DGKG: variants seen among roughly 807,000 people sequenced by gnomAD.
DGKG encodes the protein DAG kinase gamma.
In DGKG, 78 loss-of-function variants were observed where a neutral mutation model predicts 105.3. The observed-to-expected ratio is 0.74, with a 90% CI of 0.62 to 0.89. The LOEUF is 0.89. Ranked by LOEUF, DGKG falls within the 40% of genes least tolerant of loss-of-function variation. The probability of loss-of-function intolerance (pLI) is 0.00; values close to 1 mark genes in which losing one functional copy is unlikely to be tolerated. For missense variants in DGKG, 958 were observed against 1,020.1 expected, an observed-to-expected ratio of 0.94 and a Z score of 0.83; for synonymous variants, 346 against 367.1, an observed-to-expected ratio of 0.94 and a Z score of 0.66.
At chr3:186,195,447 G>C (rs1718134619) in intron 21 of DGKG, among the ~76,000 whole-genome samples, 1 of 151,974 alleles carries the variant, frequency 6.6e-6, no homozygotes, top group Non-Finnish European at 1.5e-5. Context: ...CATTGCATTT[G>C]TTGATATATA....
intron 2 of DGKG, 105 bp from the exon 3 acceptor site, chr3:186,307,082 A>G: frequency 1.3e-6 from 1 of 759,120 alleles, no homozygotes. Flanking sequence ...GCTGCCCCTC[A>G]GTCCCAGAAA....
In DGKG at chr3:186,148,056, C is replaced by T. The variant is rs573533944; in HGVS notation, c.*2034G>A. 2.0e-6 allele frequency: 2 copies of T among 985,462 alleles called. No homozygotes were observed. Among genetic ancestry groups the T allele is most frequent in the South Asian group, 4.7e-5 (1 of 21,288 alleles). 61.0% of individuals were successfully genotyped at this position (985,462 alleles called of 1,614,324 possible). ...AATATTCCCTTCTTTGTCCAAAGCT[C>T]CTGTCCAATGCAAGATTAGAGGCAG... On this transcript the variant is annotated 3_prime_UTR_variant, in exon 25 of 25. Coordinates refer to ENST00000265022, the MANE Select transcript of DGKG (RefSeq NM_001346.3).
At chr3:186,252,044 T>C in intron 18 of DGKG, 125 bp from the exon 19 acceptor site, 1 of 876,282 alleles carries the variant, frequency 1.1e-6, no homozygotes, top group Non-Finnish European at 1.7e-6. Context: ...ACTGTGTCTG[T>C]GGGCTAGAGA....
intron 10 of DGKG, among the ~76,000 whole-genome samples, chr3:186,274,844 A>G (rs1288830260): frequency 6.6e-6 from 1 of 152,110 alleles, no homozygotes; most frequent in African/African-American, 2.4e-5. Flanking sequence ...GCCACAATAA[A>G]CATACGTGTG....
intron 22 of DGKG, among the ~76,000 whole-genome samples, chr3:186,177,563 A>G (rs1717145100): frequency 6.6e-6 from 1 of 152,198 alleles, no homozygotes; most frequent in African/African-American, 2.4e-5. Context: ...GCCAATATTA[A>G]CACGATTGTT....
chr3:186,195,292 C>T (rs1030624417), intron 21 of DGKG, among the ~76,000 whole-genome samples: 1 of 108,938 alleles, frequency 9.2e-6, no homozygotes, highest in African/African-American at 2.5e-5. Context: ...CAAAAAAAAA[C>T]AAAACAAAAA....
intron 11 of DGKG, among the ~76,000 whole-genome samples, chr3:186,270,817 T>C (rs1722278870): frequency 6.6e-6 from 1 of 152,202 alleles, no homozygotes; most frequent in African/African-American, 2.4e-5. Context: ...TCTGAGGAGA[T>C]GGTGAAAGAC....
At chr3:186,299,910 C>G (rs1263825412) in intron 3 of DGKG, among the ~76,000 whole-genome samples, 1 of 150,540 alleles carries the variant, frequency 6.6e-6, no homozygotes, top group East Asian at 2.0e-4. Context: ...TCTCAGCTCA[C>G]TGCAACATCT....
chr3:186,249,582 C>A (rs191400937), intron 19 of DGKG, among the ~76,000 whole-genome samples: 1 of 152,178 alleles, frequency 6.6e-6, no homozygotes. Context: ...TGGCTCACGC[C>A]GGTAATCCCA....
chr3:186,222,225 C>T (rs528026515), intron 20 of DGKG, among the ~76,000 whole-genome samples: 1 of 152,300 alleles, frequency 6.6e-6, no homozygotes, highest in South Asian at 2.1e-4. Context: ...TACAAAAGTT[C>T]CTTGGTTAAG....
At chr3:186,269,007 G>C in intron 11 of DGKG, 90 bp from the exon 12 acceptor site, 1 of 874,888 alleles carries the variant, frequency 1.1e-6, no homozygotes, top group Non-Finnish European at 1.9e-6. Flanking sequence ...GGGAGGGGAC[G>C]CGGGGGAGCC....
chr3:186,301,292 C>A (rs576028672), intron 3 of DGKG, among the ~76,000 whole-genome samples: 1 of 152,176 alleles, frequency 6.6e-6, no homozygotes, highest in African/African-American at 2.4e-5. Flanking sequence ...CCCTATTGAT[C>A]TTCCTAAAGC....
At chr3:186,356,092 A>G (rs1726944270) in intron 1 of DGKG, among the ~76,000 whole-genome samples, 1 of 152,256 alleles carries the variant, frequency 6.6e-6, no homozygotes, top group Non-Finnish European at 1.5e-5. Context: ...GAAAAAGATG[A>G]AGAAATATGG....
intron 3 of DGKG, among the ~76,000 whole-genome samples, chr3:186,302,564 ATGT>A (rs2108620384): frequency 1.5e-5 from 1 of 64,936 alleles, no homozygotes. Flanking sequence ...ATATACACAT[ATGT>A]ATATATATAT....
At chr3:186,306,626 A>G (rs1724252752) in intron 3 of DGKG, 1 of 365,096 alleles carries the variant, frequency 2.7e-6, no homozygotes, top group African/African-American at 2.1e-5. Flanking sequence ...TTTTCAGTGA[A>G]GCAGAAAACT....
chr3:186,338,425 T>A (rs1725933989), intron 1 of DGKG, among the ~76,000 whole-genome samples: 1 of 152,180 alleles, frequency 6.6e-6, no homozygotes, highest in Admixed American at 6.5e-5. Context: ...AGTTTATTCA[T>A]GTGAGTGATA....
At chr3:186,324,121 A>G (rs1335549861) in intron 1 of DGKG, among the ~76,000 whole-genome samples, 2 of 151,224 alleles carry the variant, frequency 1.3e-5, no homozygotes, top group East Asian at 1.9e-4. Context: ...AAAAAAAAAA[A>G]AAAAGAATGC....
Position 186,203,973 on chromosome 3 carries a change from C to G in DGKG, c.1917+7822G>C, listed in dbSNP as rs1032014074. ...TTCCCTCTAGTTTAAGAGTGTGCAG[C>G]ACTGCAGGTGGATGCTAAGACAGAG... On this transcript the variant is annotated intron_variant, in intron 21 of 24. Transcript: ENST00000265022. This position sits in a 1 kb window ranked among gnomAD's most constrained non-coding sequence, Gnocchi z 4.9. 7.9e-5 allele frequency among the ~76,000 whole-genome samples: 12 copies of G among 152,180 alleles called. No homozygotes were observed. Among genetic ancestry groups the G allele is most frequent in the African/African-American group, 2.7e-4 (11 of 41,432 alleles).
Position 186,148,234 on chromosome 3 carries a change from C to G in DGKG, c.*1856G>C. 3.0e-6 allele frequency: 3 copies of G among 985,484 alleles called. No individual in the cohort carries two copies. In the African/African-American group the frequency reaches 5.2e-5, roughly 17 times the overall value. The allele number at this position is 985,484 out of a possible 1,614,324, so 61.0% of individuals were successfully genotyped here. On this transcript the variant is annotated 3_prime_UTR_variant, in exon 25 of 25. Transcript: ENST00000265022. ...AAGCCCACTGAGCTCTGCTGAGACC[C>G]CTCTGTCCTGGCTGGCAGTATCTTG...
Sources: gnomAD v4.1 joint callset for allele counts (sites outside exome capture counted in the v4.1 genomes callset) on GRCh38, gnomAD v4.1.1 for gene constraint, Gnocchi (gnomAD v3.1) non-coding constraint, MANE v1.5 for transcripts, NCBI Gene and HGNC (gene_info 2026-07-23, HGNC 2026-07-21) for gene names.